Variants in OLFM3 observed in about 807,000 individuals in gnomAD.
OLFM3 encodes olfactomedin 3.
Under a neutral mutation model 48.6 loss-of-function variants are expected in OLFM3, and 20 were observed. The ratio of observed to expected loss-of-function variants is 0.41; its 90% CI spans 0.29 to 0.60. The LOEUF is 0.60. Ranked by LOEUF, OLFM3 falls within the 20% of genes least tolerant of loss-of-function variation. The pLI is 0.28. For synonymous variants in OLFM3, 222 were observed against 198.1 expected (o/e 1.12, Z -1.01); for missense variants, 437 against 544.3 (o/e 0.80, Z 1.96).
intron 1 of OLFM3, among the ~76,000 whole-genome samples, chr1:101,936,395 T>C (rs1436473953): frequency 3.3e-5 from 5 of 151,070 alleles, no homozygotes; most frequent in Non-Finnish European, 7.4e-5. Context: ...CACCTAGGAC[T>C]ACAGCTAACC....
intron 1 of OLFM3, among the ~76,000 whole-genome samples, chr1:101,977,295 T>G (rs1188038268): frequency 6.6e-6 from 1 of 152,196 alleles, no homozygotes; most frequent in Non-Finnish European, 1.5e-5. Context: ...ATTTTTGAGT[T>G]TTTGGAGATA....
intron 1 of OLFM3, chr1:101,910,154 G>T: frequency 8.1e-6 from 8 of 984,586 alleles, no homozygotes; most frequent in Non-Finnish European, 9.6e-6. Context: ...GATGTTTATC[G>T]AGTATCTATC....
At chr1:101,956,827 G>A (rs1470618847) in intron 1 of OLFM3, among the ~76,000 whole-genome samples, 2 of 151,748 alleles carry the variant, frequency 1.3e-5, no homozygotes, top group African/African-American at 4.8e-5. Context: ...AAAGAGAGAT[G>A]GTATCTTTTG....
intron 1 of OLFM3, among the ~76,000 whole-genome samples, chr1:101,918,563 C>T (rs1449563625): frequency 1.4e-5 from 2 of 142,746 alleles, no homozygotes; most frequent in Admixed American, 7.0e-5. Flanking sequence ...CTCCTTCCTC[C>T]TTTTTTTTTT....
intron 1 of OLFM3, among the ~76,000 whole-genome samples, chr1:101,839,871 C>A (rs1320101733): frequency 1.3e-5 from 2 of 152,194 alleles, no homozygotes; most frequent in African/African-American, 2.4e-5. Context: ...AGAGCCATGA[C>A]CTTCTCTACT....
At chr1:101,896,850 T>G (rs961924162) in intron 1 of OLFM3, among the ~76,000 whole-genome samples, 1 of 152,050 alleles carries the variant, frequency 6.6e-6, no homozygotes, top group African/African-American at 2.4e-5. Flanking sequence ...TATCATTCCT[T>G]GGCTTCATTT....
chr1:101,842,180 G>GA (rs1242154351), intron 1 of OLFM3, among the ~76,000 whole-genome samples: 5 of 151,936 alleles, frequency 3.3e-5, no homozygotes, highest in African/African-American at 7.3e-5. Flanking sequence ...CAGGCTTTAA[G>GA]AAAAAACAAC....
At chr1:101,944,859 G>A (rs1216682021) in intron 1 of OLFM3, among the ~76,000 whole-genome samples, 1 of 137,666 alleles carries the variant, frequency 7.3e-6, no homozygotes, top group Non-Finnish European at 1.6e-5. Context: ...CAGCCTGGGC[G>A]ACAGAGTGAG....
At chr1:101,853,187 T>G in intron 1 of OLFM3, among the ~76,000 whole-genome samples, 1 of 152,050 alleles carries the variant, frequency 6.6e-6, no homozygotes, top group East Asian at 1.9e-4. Context: ...TTCTTTCAGC[T>G]CTCCCCTTTG....
chr1:101,866,503 G>A (rs373487470), intron 1 of OLFM3, among the ~76,000 whole-genome samples: 10 of 152,078 alleles, frequency 6.6e-5, no homozygotes, highest in East Asian at 3.9e-4. Context: ...TCATAAAAGC[G>A]TAAGTAGTTT....
At chr1:101,991,787 T>C (rs888219914) in intron 1 of OLFM3, among the ~76,000 whole-genome samples, 1 of 149,734 alleles carries the variant, frequency 6.7e-6, no homozygotes, top group Admixed American at 6.7e-5. Context: ...CCTGAGTATA[T>C]GGATTGTGTA....
chr1:101,836,255 C>G (rs951235090), intron 2 of OLFM3, among the ~76,000 whole-genome samples: 48 of 152,192 alleles, frequency 3.2e-4, no homozygotes, highest in African/African-American at 1.1e-3. Context: ...TGGTTTTCCT[C>G]CCTCCCAACT....
chr1:101,915,155 A>G lies in OLFM3; in HGVS notation c.70-78130T>C, dbSNP rs141496289. Among the ~76,000 whole-genome samples the G allele has an allele frequency of 1.6e-3, 250 of 152,274 alleles. 2 individuals are homozygous for G. The highest frequency in any genetic ancestry group is 5.6e-4 in the Non-Finnish European group (38 of 67,992). On this transcript the variant is annotated intron_variant, in intron 1 of 5. Transcript: ENST00000370103. ...ACAACATTGCAGAAAAAGAAAGTCA[A>G]TTTGATTTTTAAGCTGCAAGATATT... is the stretch of plus-strand genomic sequence containing the variant.
intron 1 of OLFM3, among the ~76,000 whole-genome samples, chr1:101,943,723 A>G (rs1002519997): frequency 1.4e-4 from 22 of 152,170 alleles, no homozygotes; most frequent in Admixed American, 1.4e-3. Flanking sequence ...AAATGTATAG[A>G]TGTATGTATC....
At chr1:101,976,664 A>G (rs1236684181) in intron 1 of OLFM3, among the ~76,000 whole-genome samples, 1 of 152,192 alleles carries the variant, frequency 6.6e-6, no homozygotes, top group Non-Finnish European at 1.5e-5. Flanking sequence ...GTAGAAGTTT[A>G]TAATTTCTCA....
chr1:101,939,156 G>A (rs544766032), intron 1 of OLFM3, among the ~76,000 whole-genome samples: 11 of 152,226 alleles, frequency 7.2e-5, no homozygotes, highest in African/African-American at 1.2e-4. Flanking sequence ...CTACAGACAG[G>A]TGAAGAGAAA....
chr1:101,976,848 T>C (rs1660968826), intron 1 of OLFM3, among the ~76,000 whole-genome samples: 1 of 152,182 alleles, frequency 6.6e-6, no homozygotes, highest in African/African-American at 2.4e-5. Context: ...TAAATTACTC[T>C]AAGAATCTCA....
At chr1:101,824,679 CAACAAA>C (rs753000471) in intron 4 of OLFM3, among the ~76,000 whole-genome samples, 37 of 124,512 alleles carry the variant, frequency 3.0e-4, no homozygotes, top group Non-Finnish European at 3.4e-4. Context: ...ACAACAACAA[CAACAAA>C]AAACAGTTTC....
intron 4 of OLFM3, among the ~76,000 whole-genome samples, chr1:101,808,263 G>A (rs1400931987): frequency 6.6e-6 from 1 of 150,886 alleles, no homozygotes; most frequent in Admixed American, 6.6e-5. Flanking sequence ...AACATGAGGG[G>A]AAAAAAACAA....
Sources: allele counts gnomAD v4.1 joint callset (sites outside exome capture counted in the v4.1 genomes callset), GRCh38; gene constraint gnomAD v4.1.1; transcripts MANE v1.5; gene names NCBI Gene and HGNC (gene_info 2026-07-23, HGNC 2026-07-21).